PHLDB2: variants seen among roughly 807,000 people sequenced by gnomAD.
The protein encoded by PHLDB2 is pleckstrin homology like domain family B member 2, also known as pleckstrin homology-like domain family B member 2.
PHLDB2 carries 71 observed loss-of-function variants against 123.6 expected under a neutral mutation model. The observed-to-expected ratio is 0.57, with a 90% CI of 0.47 to 0.70. PHLDB2 has a LOEUF of 0.70. PHLDB2 is among the 30% of genes least tolerant of loss of function. The probability of loss-of-function intolerance (pLI) is 0.00; values close to 1 mark genes in which losing one functional copy is unlikely to be tolerated. For synonymous variants in PHLDB2, 547 were observed against 541.6 expected (o/e 1.01, Z -0.14); for missense variants, 1,446 against 1,519.5 (o/e 0.95, Z 0.80).
chr3:111,953,817 C>A (rs1481264172), intron 11 of PHLDB2, 113 bp from the exon 12 acceptor site: 1 of 747,170 alleles, frequency 1.3e-6, no homozygotes, highest in Non-Finnish European at 2.1e-6. Flanking sequence ...CAAAGACTTA[C>A]CTTCTCTGCC....
At chr3:111,804,967 A>G (rs1021476412) in intron 1 of PHLDB2, among the ~76,000 whole-genome samples, 1 of 152,226 alleles carries the variant, frequency 6.6e-6, no homozygotes, top group African/African-American at 2.4e-5. Flanking sequence ...ATAGAACAAT[A>G]CTAGGTGCTG....
chr3:111,973,346 A>G (rs1277117519), intron 16 of PHLDB2, among the ~76,000 whole-genome samples: 1 of 152,170 alleles, frequency 6.6e-6, no homozygotes, highest in Non-Finnish European at 1.5e-5. Flanking sequence ...TTTTATTACA[A>G]CAGATCTACA....
chr3:111,751,149 A>G (rs2059764993), intron 1 of PHLDB2, among the ~76,000 whole-genome samples: 1 of 149,866 alleles, frequency 6.7e-6, no homozygotes, highest in Non-Finnish European at 1.5e-5. Context: ...AAAAGAAAAA[A>G]GCAGAAAGGA....
In PHLDB2 at chr3:111,866,014, A is replaced by ATTTTTTTTTTTTTTTTTTTTTTT. The variant is rs61038523; in HGVS notation, c.-15+6440_-15+6462dup. Among the ~76,000 whole-genome samples, 97 of 57,412 alleles carry ATTTTTTTTTTTTTTTTTTTTTTT rather than the reference A, an allele frequency of 1.7e-3. 20 individuals carry two copies. Among genetic ancestry groups the ATTTTTTTTTTTTTTTTTTTTTTT allele is most frequent in the South Asian group, 4.0e-3 (5 of 1,260 alleles). 37.7% of individuals were successfully genotyped at this position (57,412 alleles called of 152,430 possible). A position where few individuals can be genotyped will look rare whatever the true frequency, so the allele number is the denominator to read the frequency against. ...TTTTAGAAACCTACCCCACCCACTCATTTTTTTTTTTTTTTTTTTTTTTTG... is the reference window on the plus strand; with the variant it reads ...TTTTAGAAACCTACCCCACCCACTCATTTTTTTTTTTTTTTTTTTTTTTTTTTTTTTTTTTTTTTTTTTTTTTG... On this transcript the variant is annotated intron_variant, in intron 1 of 17. Coordinates refer to ENST00000431670, the MANE Select transcript of PHLDB2 (RefSeq NM_001134438.2).
intron 1 of PHLDB2, among the ~76,000 whole-genome samples, chr3:111,827,672 C>T (rs1359621521): frequency 8.7e-6 from 1 of 114,576 alleles, no homozygotes; most frequent in Non-Finnish European, 1.6e-5. Context: ...CAGAGCGAGA[C>T]GAGAATCCGT....
At chr3:111,783,519 A>G (rs2060563390) in intron 1 of PHLDB2, among the ~76,000 whole-genome samples, 1 of 152,170 alleles carries the variant, frequency 6.6e-6, no homozygotes, top group Non-Finnish European at 1.5e-5. Flanking sequence ...AGACAAAACA[A>G]AAACTCATCA....
intron 1 of PHLDB2, among the ~76,000 whole-genome samples, chr3:111,787,794 A>G (rs2060754078): frequency 6.6e-6 from 1 of 152,162 alleles, no homozygotes; most frequent in Admixed American, 6.5e-5. Context: ...AGCGTACCCA[A>G]TCTATTCTGG....
intron 12 of PHLDB2, chr3:111,958,180 T>C (rs1302088063): frequency 1.3e-6 from 1 of 794,514 alleles, no homozygotes; most frequent in African/African-American, 1.9e-5. Context: ...GTCATCCTTT[T>C]TGATCTTGTA....
intron 1 of PHLDB2, among the ~76,000 whole-genome samples, chr3:111,743,451 G>T (rs949465252): frequency 5.3e-5 from 8 of 152,112 alleles, no homozygotes; most frequent in Non-Finnish European, 1.2e-4. Context: ...TTATAAATCT[G>T]ATTTCTACTC....
chr3:111,760,803 G>A lies in PHLDB2; in HGVS notation c.-49+28100G>A, dbSNP rs182023593. On this transcript the variant is annotated intron_variant, in intron 1 of 17. Coordinates refer to the PHLDB2 transcript ENST00000393923. The stretch of plus-strand genomic sequence containing the variant: ...ATTTTCTCCATTTTCAGTTTTAGTT[G>A]TTTTATCTTTTGTGATAAATTGTAG... 1.4e-4 allele frequency among the ~76,000 whole-genome samples: 21 copies of A among 152,126 alleles called. No individual in the cohort carries two copies. The East Asian group carries it at 3.3e-3, about 24-fold the overall frequency.
upstream of PHLDB2, chr3:111,859,119 C>A: frequency 3.1e-6 from 3 of 964,996 alleles, no homozygotes; most frequent in Non-Finnish European, 3.7e-6. Flanking sequence ...GTAAACTTGC[C>A]CCGGGGCGAA....
intron 1 of PHLDB2, among the ~76,000 whole-genome samples, chr3:111,829,718 T>G (rs2062844483): frequency 6.6e-6 from 1 of 152,104 alleles, no homozygotes; most frequent in Admixed American, 6.6e-5. Context: ...CGCCTTGGCC[T>G]CCCAAAGTGC....
At chr3:111,814,629 A>T (rs1374696769) in intron 1 of PHLDB2, among the ~76,000 whole-genome samples, 13 of 58,998 alleles carry the variant, frequency 2.2e-4, no homozygotes, top group East Asian at 3.5e-4. Flanking sequence ...GTATTTATTT[A>T]AAAAAAAAAA....
At chr3:111,893,900 T>TTTTTTTTTTA (rs2066648517) in intron 2 of PHLDB2, among the ~76,000 whole-genome samples, 1 of 136,610 alleles carries the variant, frequency 7.3e-6, no homozygotes. Context: ...TTGGATTTAT[T>TTTTTTTTTTA]TTTATTTATT....
chr3:111,952,786 G>T lies in PHLDB2; in HGVS notation c.2772+74G>T, dbSNP rs150818783. 4.4e-5 allele frequency: 67 copies of T among 1,513,642 alleles called. No individual in the cohort carries two copies. The African/African-American group carries it at 8.9e-4, about 20-fold the overall frequency. 93.8% of individuals were successfully genotyped at this position (1,513,642 alleles called of 1,614,324 possible). A position where few individuals can be genotyped will look rare whatever the true frequency, so the allele number is the denominator to read the frequency against. ...TCATTATATTCACTGATGTGTAAAG[G>T]CCTTTAAAGAAAAGTGCTAAATAAT... On this transcript the variant is annotated intron_variant, in intron 11 of 17. Transcript: ENST00000431670.
chr3:111,806,629 G>A (rs577546865), intron 1 of PHLDB2, among the ~76,000 whole-genome samples: 73 of 151,970 alleles, frequency 4.8e-4, no homozygotes, highest in South Asian at 1.7e-3. Flanking sequence ...GGGACTATAG[G>A]CACGAGCCAG....
chr3:111,806,282 C>G (rs1159480849), intron 1 of PHLDB2, among the ~76,000 whole-genome samples: 1 of 152,056 alleles, frequency 6.6e-6, no homozygotes, highest in African/African-American at 2.4e-5. Flanking sequence ...TTAAAACATA[C>G]CCATCACACC....
At chr3:111,837,619 A>T (rs1034879544) in intron 1 of PHLDB2, among the ~76,000 whole-genome samples, 1 of 151,904 alleles carries the variant, frequency 6.6e-6, no homozygotes, top group African/African-American at 2.4e-5. Context: ...CATTTCCAAA[A>T]CTCCTTAGTT....
intron 1 of PHLDB2, among the ~76,000 whole-genome samples, chr3:111,777,828 C>A (rs2060292862): frequency 6.6e-6 from 1 of 152,048 alleles, no homozygotes; most frequent in African/African-American, 2.4e-5. Context: ...ATAATGAGTG[C>A]TAAATCCTTC....
Sources: allele counts gnomAD v4.1 joint callset (sites outside exome capture counted in the v4.1 genomes callset), GRCh38; gene constraint gnomAD v4.1.1; transcripts MANE v1.5; gene names NCBI Gene and HGNC (gene_info 2026-07-23, HGNC 2026-07-21).